EPHA6: variants seen among roughly 807,000 people sequenced by gnomAD.
The protein encoded by EPHA6 is EPH receptor A6.
Under a neutral mutation model 112.0 loss-of-function variants are expected in EPHA6, and 50 were observed. The observed-to-expected ratio is 0.45, with a 90% CI of 0.36 to 0.56. EPHA6 has a LOEUF of 0.56. Among genes scored for constraint, EPHA6 ranks in the 20% least tolerant of loss-of-function variants. The pLI is 0.00. For missense variants in EPHA6, 1,280 were observed against 1,417.4 expected (o/e 0.90, Z 1.56); for synonymous variants, 529 against 490.7 (o/e 1.08, Z -1.03).
At chr3:97,362,133 T>G (rs1039078762) in intron 5 of EPHA6, among the ~76,000 whole-genome samples, 1 of 152,190 alleles carries the variant, frequency 6.6e-6, no homozygotes, top group Non-Finnish European at 1.5e-5. Context: ...CACTTCATTA[T>G]GACACAATAA....
rs902787792 is a variant in EPHA6, at chr3:97,254,227, C to T, written c.1606+9940C>T. On this transcript the variant is annotated intron_variant, in intron 5 of 17. Transcript: ENST00000389672. ...TTTTTGAGGCAGAGTCTTGCCCTGTCGCCCAGGCTGGAGTGCAGTGGCGCG... is the reference window on the plus strand; with the variant it reads ...TTTTTGAGGCAGAGTCTTGCCCTGTTGCCCAGGCTGGAGTGCAGTGGCGCG... Among the ~76,000 whole-genome samples, 4 of 152,192 alleles carry T rather than the reference C, an allele frequency of 2.6e-5. 1 individual carries two copies. In the East Asian group the frequency reaches 5.8e-4, roughly 22 times the overall value.
intron 1 of EPHA6, among the ~76,000 whole-genome samples, chr3:96,820,467 G>A (rs1327348161): frequency 2.0e-5 from 3 of 151,828 alleles, no homozygotes; most frequent in African/African-American, 7.3e-5. Flanking sequence ...AAGAAGATGG[G>A]TTTGAAATAT....
chr3:97,334,084 T>C (rs2082935852), intron 5 of EPHA6, among the ~76,000 whole-genome samples: 1 of 152,146 alleles, frequency 6.6e-6, no homozygotes, highest in Non-Finnish European at 1.5e-5. Flanking sequence ...TTTCGCTTGT[T>C]GATATAGTCG....
At chr3:96,948,598 G>C (rs2041389401) in intron 2 of EPHA6, among the ~76,000 whole-genome samples, 1 of 152,040 alleles carries the variant, frequency 6.6e-6, no homozygotes, top group African/African-American at 2.4e-5. Flanking sequence ...TTATTATATA[G>C]ATTCGTGGTA....
At chr3:97,025,801 A>G (rs961608787) in intron 3 of EPHA6, among the ~76,000 whole-genome samples, 1 of 151,936 alleles carries the variant, frequency 6.6e-6, no homozygotes, top group African/African-American at 2.4e-5. Context: ...GTTGACCAGG[A>G]TGGTCTCGAT....
chr3:97,021,654 T>A (rs185274831), intron 3 of EPHA6, among the ~76,000 whole-genome samples: 12 of 152,360 alleles, frequency 7.9e-5, no homozygotes, highest in Non-Finnish European at 1.8e-4. Flanking sequence ...TGCTGTGTCA[T>A]CACATGGTTT....
At chr3:97,491,703 C>T (rs2091843056) in intron 10 of EPHA6, among the ~76,000 whole-genome samples, 1 of 150,584 alleles carries the variant, frequency 6.6e-6, no homozygotes, top group African/African-American at 2.4e-5. Context: ...TTTTAGGTCT[C>T]ATTGTCATAG....
chr3:96,907,839 T>A (rs565379986), intron 2 of EPHA6, among the ~76,000 whole-genome samples: 1 of 152,066 alleles, frequency 6.6e-6, no homozygotes, highest in East Asian at 1.9e-4. Context: ...AGGTTAAGAT[T>A]AGCTTTTCTG....
Position 97,737,976 on chromosome 3 carries a change from C to T in EPHA6, c.3128+1858C>T, listed in dbSNP as rs373362182. Reference sequence around the variant, plus strand: ...GAGAGAGTTTCAAGGAGTATAATGTCCAAGCCTTCACAAAATTGCAGTAAA... The same window carrying T: ...GAGAGAGTTTCAAGGAGTATAATGTTCAAGCCTTCACAAAATTGCAGTAAA... On this transcript the variant is annotated intron_variant, in intron 16 of 17. Coordinates refer to ENST00000389672, the MANE Select transcript of EPHA6 (RefSeq NM_001080448.3). 2.0e-5 allele frequency among the ~76,000 whole-genome samples: 3 copies of T among 152,016 alleles called. No individual in the cohort carries two copies. The South Asian group carries it at 6.2e-4, about 32-fold the overall frequency.
intron 5 of EPHA6, among the ~76,000 whole-genome samples, chr3:97,362,134 G>C (rs1424798738): frequency 6.6e-6 from 1 of 152,100 alleles, no homozygotes; most frequent in Non-Finnish European, 1.5e-5. Flanking sequence ...ACTTCATTAT[G>C]ACACAATAAA....
intron 10 of EPHA6, among the ~76,000 whole-genome samples, chr3:97,512,492 A>G (rs1164232378): frequency 6.6e-6 from 1 of 152,070 alleles, no homozygotes; most frequent in Non-Finnish European, 1.5e-5. Flanking sequence ...AGCATTTTGA[A>G]CAGTACATCT....
intron 3 of EPHA6, among the ~76,000 whole-genome samples, chr3:97,195,998 C>A (rs79288385): frequency 6.6e-6 from 1 of 151,676 alleles, no homozygotes; most frequent in Admixed American, 6.6e-5. Context: ...GTGTTCTATA[C>A]CCTTCTTGTG....
chr3:97,079,117 C>T (rs756619664), intron 3 of EPHA6, among the ~76,000 whole-genome samples: 1 of 151,818 alleles, frequency 6.6e-6, no homozygotes, highest in African/African-American at 2.4e-5. Flanking sequence ...AACCTAAATG[C>T]CCATCAATGT....
At chr3:97,509,594 C>A (rs1577618562) in intron 10 of EPHA6, among the ~76,000 whole-genome samples, 1 of 152,118 alleles carries the variant, frequency 6.6e-6, no homozygotes. Flanking sequence ...GGTAGCCCGA[C>A]CTTTCTCTCT....
At chr3:96,851,179 G>A (rs2035361508) in intron 1 of EPHA6, among the ~76,000 whole-genome samples, 1 of 152,090 alleles carries the variant, frequency 6.6e-6, no homozygotes, top group Non-Finnish European at 1.5e-5. Flanking sequence ...GTGATCTTAA[G>A]TAAGTTTCCT....
At chr3:97,564,007 A>G (rs2093226930) in intron 11 of EPHA6, among the ~76,000 whole-genome samples, 1 of 152,280 alleles carries the variant, frequency 6.6e-6, no homozygotes, top group Admixed American at 6.5e-5. Flanking sequence ...ATGGAGGCTA[A>G]TAAAGGGACA....
At chr3:97,413,259 T>C (rs747094067) in intron 6 of EPHA6, among the ~76,000 whole-genome samples, 6 of 151,990 alleles carry the variant, frequency 3.9e-5, no homozygotes, top group Non-Finnish European at 8.8e-5. Context: ...GAAGCAGGTC[T>C]CAACTGATAG....
intron 2 of EPHA6, among the ~76,000 whole-genome samples, chr3:96,953,024 T>A (rs1028928192): frequency 6.6e-6 from 1 of 152,134 alleles, no homozygotes; most frequent in Admixed American, 6.6e-5. Context: ...TAAAAGTTTT[T>A]AAAAAATTAA....
rs1396275493 is a variant in EPHA6, at chr3:97,068,154, C to CAAAAAAAAAAAAAAAAAAAAAAAAAA, written c.1114+80171_1114+80172insAAAAAAAAAAAAAAAAAAAAAAAAAA. On this transcript the variant is annotated intron_variant, in intron 3 of 17. Transcript: ENST00000389672. ...TGAGTGACAGAGCAAGACTCCATCT[C>CAAAAAAAAAAAAAAAAAAAAAAAAAA]AAAAAAAAAAGAAAAAAAAAAAAAA... 4.9e-5 allele frequency among the ~76,000 whole-genome samples: 3 copies of CAAAAAAAAAAAAAAAAAAAAAAAAAA among 61,016 alleles called. 1 individual carries two copies. Among genetic ancestry groups the CAAAAAAAAAAAAAAAAAAAAAAAAAA allele is most frequent in the African/African-American group, 2.0e-4 (2 of 9,802 alleles). 40.0% of individuals were successfully genotyped at this position (61,016 alleles called of 152,430 possible).
Sources: gnomAD v4.1 joint callset for allele counts (sites outside exome capture counted in the v4.1 genomes callset) on GRCh38, gnomAD v4.1.1 for gene constraint, MANE v1.5 for transcripts, NCBI Gene and HGNC (gene_info 2026-07-23, HGNC 2026-07-21) for gene names.